CTNNA3: variants seen among roughly 807,000 people sequenced by gnomAD.
CTNNA3 encodes the protein catenin alpha 3, also known as catenin alpha-3.
CTNNA3 carries 76 observed loss-of-function variants against 95.7 expected under a neutral mutation model. The observed-to-expected ratio is 0.79, with a 90% CI of 0.66 to 0.96. The LOEUF (loss-of-function observed/expected upper bound fraction) is 0.96, where lower values mean the gene tolerates loss of function less well. CTNNA3 is among the 40% of genes least tolerant of loss of function. The pLI is 0.00. For missense variants in CTNNA3, 1,191 were observed against 1,089.8 expected (o/e 1.09, Z -1.31); for synonymous variants, 431 against 374.4 (o/e 1.15, Z -1.74).
At chr10:66,239,233 C>T (rs1202017781) in intron 13 of CTNNA3, among the ~76,000 whole-genome samples, 1 of 151,392 alleles carries the variant, frequency 6.6e-6, no homozygotes, top group African/African-American at 2.4e-5. Context: ...CAAATAATTA[C>T]ATTTTATTTT....
chr10:65,999,567 A>G (rs1427226857), intron 15 of CTNNA3, among the ~76,000 whole-genome samples: 1 of 152,194 alleles, frequency 6.6e-6, no homozygotes, highest in Non-Finnish European at 1.5e-5. Flanking sequence ...AATTAAATGT[A>G]TTGCCTGGCA....
rs1863606412 is a variant in CTNNA3, at chr10:67,200,708, C to T, written c.843+18899G>A. Among the ~76,000 whole-genome samples the T allele has an allele frequency of 2.6e-5, 4 of 152,160 alleles. No individual in the cohort carries two copies. In the South Asian group the frequency reaches 8.3e-4, roughly 32 times the overall value. ...AGACAATACTGCTCAGCCTACTGCCCTTTCCTCATTAACTCCCTAAAGCCC... is the reference window on the plus strand; with the variant it reads ...AGACAATACTGCTCAGCCTACTGCCTTTTCCTCATTAACTCCCTAAAGCCC... On this transcript the variant is annotated intron_variant, in intron 6 of 17. Coordinates refer to ENST00000433211, the MANE Select transcript of CTNNA3 (RefSeq NM_013266.4).
intron 11 of CTNNA3, among the ~76,000 whole-genome samples, chr10:66,438,675 C>G (rs2093354798): frequency 6.6e-6 from 1 of 152,096 alleles, no homozygotes; most frequent in African/African-American, 2.4e-5. Flanking sequence ...GACTCCCTGG[C>G]TTCAGCCCCC....
intron 15 of CTNNA3, among the ~76,000 whole-genome samples, chr10:66,033,643 C>A (rs1442589163): frequency 6.6e-6 from 1 of 151,876 alleles, no homozygotes; most frequent in Non-Finnish European, 1.5e-5. Flanking sequence ...AAGACTCAAT[C>A]AGTGATGCTC....
intron 7 of CTNNA3, among the ~76,000 whole-genome samples, chr10:67,172,373 T>C (rs538842631): frequency 6.6e-6 from 1 of 152,346 alleles, no homozygotes; most frequent in Admixed American, 6.5e-5. Flanking sequence ...TATAGAAGAA[T>C]TATGTAACTA....
chr10:67,587,193 T>TTGTGTGTGTGTG lies in CTNNA3; in HGVS notation c.292+19652_292+19663dup, dbSNP rs57140243. Among the ~76,000 whole-genome samples the TTGTGTGTGTGTG allele has an allele frequency of 1.6e-3, 211 of 130,144 alleles. 4 individuals carry two copies. Among genetic ancestry groups the TTGTGTGTGTGTG allele is most frequent in the Middle Eastern group, 4.0e-3 (1 of 250 alleles). The allele number at this position is 130,144 out of a possible 152,430, so 85.4% of individuals were successfully genotyped here. A position where few individuals can be genotyped will look rare whatever the true frequency, so the allele number is the denominator to read the frequency against. ...GCATGCACCATGACACCCAGCTAAC[T>TTGTGTGTGTGTG]TGTGTGTGTGTGTGTGTGTGTGTGT... On this transcript the variant is annotated intron_variant, in intron 3 of 17. Coordinates refer to ENST00000433211, the MANE Select transcript of CTNNA3 (RefSeq NM_013266.4).
chr10:66,915,240 G>A (rs1033747361), intron 7 of CTNNA3, among the ~76,000 whole-genome samples: 3 of 146,728 alleles, frequency 2.0e-5, no homozygotes, highest in Non-Finnish European at 4.5e-5. Flanking sequence ...AACAATTTCC[G>A]AATACCAGGA....
rs879891156 is a variant in CTNNA3 at position 65,959,219 on chromosome 10, G to A, written c.2400+7393C>T. Among the ~76,000 whole-genome samples the A allele has an allele frequency of 2.6e-5, 4 of 152,158 alleles. 1 individual carries two copies. The highest frequency in any genetic ancestry group is 4.1e-4 in the South Asian group (2 of 4,836). On this transcript the variant is annotated intron_variant, in intron 17 of 17. Coordinates refer to ENST00000433211, the MANE Select transcript of CTNNA3 (RefSeq NM_013266.4). Reference sequence around the variant, plus strand: ...GGTGTGGGATATAATCTCCTGGTGCGCCATTTGCTAAGACCATTGGAAAAG... The same window carrying A: ...GGTGTGGGATATAATCTCCTGGTGCACCATTTGCTAAGACCATTGGAAAAG...
At chr10:66,168,397 A>G (rs2085251082) in intron 13 of CTNNA3, among the ~76,000 whole-genome samples, 1 of 152,128 alleles carries the variant, frequency 6.6e-6, no homozygotes, top group Non-Finnish European at 1.5e-5. Context: ...GCCTTTGCCT[A>G]ACTTTTCAAC....
intron 7 of CTNNA3, among the ~76,000 whole-genome samples, chr10:66,854,309 G>A (rs1589336537): frequency 3.2e-5 from 3 of 92,310 alleles, no homozygotes; most frequent in South Asian, 5.7e-4. Flanking sequence ...TAATCAAATT[G>A]TTGCTTTCTT....
At chr10:66,825,283 ATT>A (rs34841308) in intron 7 of CTNNA3, among the ~76,000 whole-genome samples, 1 of 137,254 alleles carries the variant, frequency 7.3e-6, no homozygotes, top group African/African-American at 2.5e-5. Context: ...ATATATATAT[ATT>A]TTTTTTTTGA....
intron 1 of CTNNA3, among the ~76,000 whole-genome samples, chr10:67,731,923 G>A (rs989257591): frequency 5.5e-5 from 8 of 144,158 alleles, no homozygotes; most frequent in East Asian, 2.0e-4. Flanking sequence ...ACCAAGCCCG[G>A]CTAATTTTTT....
At chr10:67,101,081 C>T (rs1435187002) in intron 7 of CTNNA3, among the ~76,000 whole-genome samples, 1 of 151,758 alleles carries the variant, frequency 6.6e-6, no homozygotes, top group African/African-American at 2.4e-5. Context: ...CACATTAAAA[C>T]TCTGTTCAAA....
intron 3 of CTNNA3, among the ~76,000 whole-genome samples, chr10:67,549,467 T>G (rs573438725): frequency 2.7e-4 from 41 of 152,344 alleles, no homozygotes; most frequent in Non-Finnish European, 5.4e-4. Context: ...ATTAGTTGTC[T>G]TTTGCACAAA....
chr10:66,028,162 T>G (rs1318649207), intron 15 of CTNNA3, among the ~76,000 whole-genome samples: 1 of 152,182 alleles, frequency 6.6e-6, no homozygotes, highest in Non-Finnish European at 1.5e-5. Context: ...TGTAAACTAG[T>G]GCAACCATCG....
intron 11 of CTNNA3, among the ~76,000 whole-genome samples, chr10:66,447,670 T>C (rs1396084711): frequency 1.3e-5 from 2 of 152,068 alleles, no homozygotes; most frequent in African/African-American, 2.4e-5. Flanking sequence ...ATACAAAAAT[T>C]AATTCAAGAT....
chr10:66,332,610 G>A (rs909781186), intron 12 of CTNNA3, among the ~76,000 whole-genome samples: 2 of 151,984 alleles, frequency 1.3e-5, no homozygotes, highest in East Asian at 1.9e-4. Flanking sequence ...TTTTTGATGT[G>A]TTACTGTATT....
At chr10:66,006,842 T>A (rs978331530) in intron 15 of CTNNA3, among the ~76,000 whole-genome samples, 2 of 152,206 alleles carry the variant, frequency 1.3e-5, no homozygotes, top group African/African-American at 2.4e-5. Context: ...ATAATATTAT[T>A]CTAAGGTCCA....
rs59596203 is a variant in CTNNA3 at position 66,806,261 on chromosome 10, T to TTGTGTGTGTGTG, written c.1048-30749_1048-30738dup. On this transcript the variant is annotated intron_variant, in intron 7 of 17. Coordinates refer to ENST00000433211, the MANE Select transcript of CTNNA3 (RefSeq NM_013266.4). ...TTTACTGTGTGCCAGATATTGGTGTTTGTGTGTGTGTGTGTGTGTGTGTGT... is the reference window on the plus strand; with the variant it reads ...TTTACTGTGTGCCAGATATTGGTGTTTGTGTGTGTGTGTGTGTGTGTGTGTGTGTGTGTGTGT... 8.5e-4 allele frequency among the ~76,000 whole-genome samples: 123 copies of TTGTGTGTGTGTG among 144,066 alleles called. 1 individual carries two copies. Among genetic ancestry groups the TTGTGTGTGTGTG allele is most frequent in the African/African-American group, 2.7e-3 (105 of 38,998 alleles). 94.5% of individuals were successfully genotyped at this position (144,066 alleles called of 152,430 possible). A position where few individuals can be genotyped will look rare whatever the true frequency, so the allele number is the denominator to read the frequency against.
Sources: allele counts gnomAD v4.1 joint callset (sites outside exome capture counted in the v4.1 genomes callset), GRCh38; gene constraint gnomAD v4.1.1; transcripts MANE v1.5; gene names NCBI Gene and HGNC (gene_info 2026-07-23, HGNC 2026-07-21).